The following PTPRD variants were observed in gnomAD, a reference collection of about 807,000 sequenced individuals.
PTPRD encodes protein tyrosine phosphatase receptor type D.
In PTPRD, 34 loss-of-function variants were observed where a neutral mutation model predicts 214.5. The observed-to-expected ratio is 0.16, with a 90% confidence interval of 0.12 to 0.21. PTPRD has a LOEUF of 0.21. PTPRD is among the 10% of genes least tolerant of loss of function. The pLI is 1.00. For synonymous variants in PTPRD, 1,128 were observed against 845.7 expected, an observed-to-expected ratio of 1.33 and a Z score of -5.79; for missense variants, 2,545 against 2,398.7, an observed-to-expected ratio of 1.06 and a Z score of -1.27.
intron 8 of PTPRD, among the ~76,000 whole-genome samples, chr9:9,554,793 T>C (rs2081123012): frequency 6.6e-6 from 1 of 152,084 alleles, no homozygotes; most frequent in Admixed American, 6.6e-5. Context: ...TAATGGAATT[T>C]GCCCCATAAT....
chr9:9,691,421 A>G (rs1314926741), intron 7 of PTPRD, among the ~76,000 whole-genome samples: 3 of 152,054 alleles, frequency 2.0e-5, no homozygotes, highest in Admixed American at 1.3e-4. Context: ...TTCACTTAAC[A>G]TGATGACCTC....
At chr9:8,629,143 T>G (rs909028562) in intron 14 of PTPRD, among the ~76,000 whole-genome samples, 1 of 151,816 alleles carries the variant, frequency 6.6e-6, no homozygotes, top group African/African-American at 2.4e-5. Context: ...TCAAGAAACA[T>G]GATGACATTT....
intron 32 of PTPRD, among the ~76,000 whole-genome samples, chr9:8,465,198 G>T (rs771898152): frequency 1.4e-4 from 21 of 151,894 alleles, no homozygotes; most frequent in Admixed American, 2.6e-4. Context: ...ACATCAGAAG[G>T]TATCAAGAAC....
chr9:9,926,721 C>T (rs1288916449), intron 5 of PTPRD, among the ~76,000 whole-genome samples: 2 of 151,924 alleles, frequency 1.3e-5, no homozygotes, highest in Non-Finnish European at 2.9e-5. Context: ...GTGAAGATTT[C>T]AAGAGAAAAT....
At chr9:9,832,376 C>A (rs185528018) in intron 5 of PTPRD, among the ~76,000 whole-genome samples, 63 of 151,780 alleles carry the variant, frequency 4.2e-4, no homozygotes, top group Non-Finnish European at 4.4e-5. Context: ...TTTTTCAGGA[C>A]CAAAATAATA....
chr9:9,190,763 C>A (rs1184801360), intron 9 of PTPRD, among the ~76,000 whole-genome samples: 1 of 152,036 alleles, frequency 6.6e-6, no homozygotes, highest in Admixed American at 6.6e-5. Context: ...GATATCAACC[C>A]ATGATAGATA....
At chr9:8,465,717 A>G in intron 31 of PTPRD, 42 bp from the exon 32 acceptor site, 2 of 1,513,908 alleles carry the variant, frequency 1.3e-6, no homozygotes, top group Non-Finnish European at 9.0e-7. Context: ...ACTGTAAATA[A>G]TAACCCAGCT....
intron 2 of PTPRD, among the ~76,000 whole-genome samples, chr9:10,416,148 G>T (rs1041607236): frequency 6.6e-6 from 1 of 151,254 alleles, no homozygotes; most frequent in Non-Finnish European, 1.5e-5. Context: ...AGGAGTTCAA[G>T]ATCAGCCTGG....
At chr9:9,998,129 A>AAAAATATATATATATAT (rs57991748) in intron 4 of PTPRD, among the ~76,000 whole-genome samples, 2 of 91,460 alleles carry the variant, frequency 2.2e-5, no homozygotes, top group Non-Finnish European at 3.9e-5. Context: ...AAAAAAAAAA[A>AAAAATATATATATATAT]ATATATATAT....
Position 8,633,221 on chromosome 9 carries a change from A to G in PTPRD, c.352+96T>C. On this transcript the variant is annotated intron_variant, in intron 14 of 45. Transcript: ENST00000381196. Reference sequence around the variant, plus strand: ...AAACATTTAACTGAGTTTCCCATTTAAGCACCATCACAATGCTAGTCTTTT... The same window carrying G: ...AAACATTTAACTGAGTTTCCCATTTGAGCACCATCACAATGCTAGTCTTTT... 2.8e-6 allele frequency: 4 copies of G among 1,415,748 alleles called. No homozygotes were observed. The South Asian group carries it at 5.7e-5, about 20-fold the overall frequency. The allele number at this position is 1,415,748 out of a possible 1,614,324, so 87.7% of individuals were successfully genotyped here. A position where few individuals can be genotyped will look rare whatever the true frequency, so the allele number is the denominator to read the frequency against.
At chr9:9,213,183 T>C (rs771279374) in intron 9 of PTPRD, among the ~76,000 whole-genome samples, 6 of 152,176 alleles carry the variant, frequency 3.9e-5, no homozygotes, top group Non-Finnish European at 7.4e-5. Flanking sequence ...AGATTCTGTT[T>C]CAAGATCTTG....
chr9:8,812,703 C>G (rs1392982385), intron 11 of PTPRD, among the ~76,000 whole-genome samples: 1 of 151,702 alleles, frequency 6.6e-6, no homozygotes, highest in Non-Finnish European at 1.5e-5. Flanking sequence ...AGGTGACAAA[C>G]CTTACAAACT....
At chr9:8,605,303 T>C (rs1210360342) in intron 14 of PTPRD, among the ~76,000 whole-genome samples, 1 of 152,362 alleles carries the variant, frequency 6.6e-6, no homozygotes, top group Non-Finnish European at 1.5e-5. Context: ...GACTTAACTA[T>C]TGGCTTAGGT....
At chr9:9,352,504 C>T (rs1336525846) in intron 9 of PTPRD, among the ~76,000 whole-genome samples, 1 of 151,752 alleles carries the variant, frequency 6.6e-6, no homozygotes, top group Non-Finnish European at 1.5e-5. Flanking sequence ...GTTTTCATAA[C>T]ATTTTGCATT....
intron 36 of PTPRD, among the ~76,000 whole-genome samples, chr9:8,395,130 G>C (rs2090756735): frequency 6.6e-6 from 1 of 152,078 alleles, no homozygotes; most frequent in Non-Finnish European, 1.5e-5. Flanking sequence ...AATGAAGTAA[G>C]GACTGTGTCA....
intron 9 of PTPRD, among the ~76,000 whole-genome samples, chr9:9,189,344 C>T (rs183803974): frequency 6.6e-6 from 1 of 152,158 alleles, no homozygotes; most frequent in Admixed American, 6.6e-5. Flanking sequence ...ATGGGGCTAA[C>T]GTAGTAGTTA....
intron 5 of PTPRD, among the ~76,000 whole-genome samples, chr9:9,835,339 T>C (rs1389202685): frequency 2.0e-5 from 3 of 152,086 alleles, no homozygotes; most frequent in Non-Finnish European, 4.4e-5. Context: ...TTTAGTTATA[T>C]AGATATGATC....
At chr9:8,933,249 G>A (rs1346525584) in intron 11 of PTPRD, among the ~76,000 whole-genome samples, 1 of 147,768 alleles carries the variant, frequency 6.8e-6, no homozygotes, top group Non-Finnish European at 1.5e-5. Context: ...AGTTGGAAAT[G>A]AAAAAATCAT....
chr9:10,192,730 T>C (rs768795555), intron 3 of PTPRD, among the ~76,000 whole-genome samples: 9 of 152,146 alleles, frequency 5.9e-5, no homozygotes, highest in East Asian at 1.9e-4. Context: ...TGGAAAGGAA[T>C]AGCTCAACTA....
Sources: allele counts gnomAD v4.1 joint callset (sites outside exome capture counted in the v4.1 genomes callset), GRCh38; gene constraint gnomAD v4.1.1; transcripts MANE v1.5; gene names NCBI Gene and HGNC (gene_info 2026-07-23, HGNC 2026-07-21).